Variants in PPFIBP2 observed in about 807,000 individuals in gnomAD.
PPFIBP2 encodes PPFIB scaffold protein 2.
PPFIBP2 carries 118 observed loss-of-function variants against 118.3 expected under a neutral mutation model. That is an observed-to-expected ratio of 1.00 (90% confidence interval 0.86 to 1.16). PPFIBP2 has a LOEUF of 1.16. Among genes scored for constraint, PPFIBP2 ranks in the 50% most tolerant of loss-of-function variants. PPFIBP2 has a pLI of 0.00. For synonymous variants in PPFIBP2, 414 were observed against 397.4 expected (o/e 1.04, Z -0.50); for missense variants, 1,195 against 1,073.1 (o/e 1.11, Z -1.59).
intron 5 of PPFIBP2, among the ~76,000 whole-genome samples, chr11:7,608,494 G>T (rs1463688622): frequency 1.3e-5 from 2 of 152,092 alleles, no homozygotes; most frequent in Admixed American, 6.6e-5. Flanking sequence ...TACAAAATCC[G>T]CTGGGCGTGG....
At chr11:7,604,180 A>G (rs770625893) in intron 5 of PPFIBP2, among the ~76,000 whole-genome samples, 1 of 152,248 alleles carries the variant, frequency 6.6e-6, no homozygotes, top group African/African-American at 2.4e-5. Flanking sequence ...GAATAAAGGC[A>G]GCCAGCAAAG....
At chr11:7,585,876 A>AC (rs1858069744) in intron 3 of PPFIBP2, among the ~76,000 whole-genome samples, 1 of 152,176 alleles carries the variant, frequency 6.6e-6, no homozygotes, top group Non-Finnish European at 1.5e-5. Context: ...AGAAATAAAA[A>AC]CCCAAGTGTT....
Position 7,524,099 on chromosome 11 carries a change from A to G in PPFIBP2, c.-37+9978A>G, listed in dbSNP as rs189669977. ...GCCAAAAGGAACTACTTGGTTGACA[A>G]CTCTGTGTGTGTGTCTGTGTGTGTC... is the stretch of plus-strand genomic sequence containing the variant. On this transcript the variant is annotated intron_variant, in intron 1 of 23. Coordinates refer to ENST00000299492, the MANE Select transcript of PPFIBP2 (RefSeq NM_003621.5). Among the ~76,000 whole-genome samples the G allele has an allele frequency of 3.9e-4, 59 of 151,236 alleles. No homozygotes were observed. In the East Asian group the frequency reaches 9.9e-3, roughly 25 times the overall value.
chr11:7,602,453 G>A (rs1463432594), intron 5 of PPFIBP2, among the ~76,000 whole-genome samples: 1 of 152,152 alleles, frequency 6.6e-6, no homozygotes, highest in African/African-American at 2.4e-5. Flanking sequence ...TGAGCTCACT[G>A]GGGTCTAGTA....
At chr11:7,648,724 C>A in intron 18 of PPFIBP2, 76 bp from the exon 19 acceptor site, 2 of 1,478,038 alleles carry the variant, frequency 1.4e-6, no homozygotes, top group South Asian at 1.1e-5. Context: ...AGAGCATCTC[C>A]ACCCAGACAC....
intron 2 of PPFIBP2, among the ~76,000 whole-genome samples, chr11:7,558,216 G>A (rs1217303853): frequency 1.3e-5 from 2 of 152,194 alleles, no homozygotes; most frequent in Non-Finnish European, 2.9e-5. Flanking sequence ...GACTGATTGA[G>A]TCTCCACTAT....
At chr11:7,609,121 G>A (rs1350472866) in intron 5 of PPFIBP2, among the ~76,000 whole-genome samples, 11 of 152,172 alleles carry the variant, frequency 7.2e-5, no homozygotes, top group Non-Finnish European at 1.6e-4. Flanking sequence ...GTTGGCCTGG[G>A]GAATCATGTA....
chr11:7,630,248 C>T (rs1487889960), intron 10 of PPFIBP2, among the ~76,000 whole-genome samples: 1 of 152,220 alleles, frequency 6.6e-6, no homozygotes, highest in Non-Finnish European at 1.5e-5. Flanking sequence ...AGAAGCCAAG[C>T]CTCTGCCAGG....
intron 2 of PPFIBP2, among the ~76,000 whole-genome samples, chr11:7,563,997 C>G (rs905716807): frequency 7.9e-5 from 12 of 152,184 alleles, no homozygotes; most frequent in Admixed American, 6.5e-4. Context: ...AACCCCATCT[C>G]TACTAAAAAA....
intron 1 of PPFIBP2, among the ~76,000 whole-genome samples, chr11:7,529,582 G>C (rs1038558238): frequency 6.6e-6 from 1 of 152,156 alleles, no homozygotes; most frequent in Non-Finnish European, 1.5e-5. Flanking sequence ...AGGGACTGCT[G>C]CACCGAGGAC....
intron 2 of PPFIBP2, among the ~76,000 whole-genome samples, chr11:7,555,915 AT>A (rs1466226503): frequency 1.3e-5 from 2 of 151,868 alleles, no homozygotes; most frequent in Non-Finnish European, 2.9e-5. Flanking sequence ...TTGTTTGAAG[AT>A]TTTTTTCTTT....
intron 14 of PPFIBP2, among the ~76,000 whole-genome samples, chr11:7,635,982 C>T (rs1851400599): frequency 1.3e-5 from 2 of 152,166 alleles, no homozygotes; most frequent in Admixed American, 6.5e-5. Flanking sequence ...CACTCAGTCC[C>T]GCTTTGATGA....
Position 7,653,198 on chromosome 11 carries a change from C to T in PPFIBP2, c.2611C>T (p.Gln871Ter). 1 of 1,614,180 alleles carries T rather than the reference C, an allele frequency of 6.2e-7. No individual in the cohort carries two copies. Among genetic ancestry groups the T allele is most frequent in the Non-Finnish European group, 8.5e-7 (1 of 1,180,032 alleles). Residue 871 changes from glutamine to a stop codon, truncating the protein, a stop_gained, in exon 24 of 24, where the codon CAG becomes TAG. Coordinates refer to ENST00000299492, the MANE Select transcript of PPFIBP2 (RefSeq NM_003621.5). LOFTEE classifies it high-confidence loss of function. ...TGCCCCTGAACTGGATGGGCTGGAC[C>T]AGGTGGGACAGATTAGCTGATGCCC... ...LDAPELDGLD[Q>*]VGQIS
In PPFIBP2 at chr11:7,610,348, T is replaced by G; in HGVS notation, c.544T>G (p.Ser182Ala). ...GAAGCTCGATCTGATGACTGAAGTG[T>G]CTGAGCTGAAGCTCAAGCTGGTTGG... ...TQKLDLMTEV[S>A]ELKLKLVGME... The change falls in exon 6 of 24, where the codon TCT becomes GCT. Residue 182 changes from serine to alanine, a missense_variant. Transcript: ENST00000299492. The G allele has an allele frequency of 6.2e-7, 1 of 1,614,158 alleles. No homozygotes were observed. The highest frequency in any genetic ancestry group is 8.5e-7 in the Non-Finnish European group (1 of 1,179,994).
chr11:7,654,638 C>A (rs949366936), downstream of PPFIBP2, among the ~76,000 whole-genome samples: 2 of 152,248 alleles, frequency 1.3e-5, no homozygotes, highest in Non-Finnish European at 2.9e-5. Flanking sequence ...TCCTGGTACC[C>A]AGGTCCACTG....
At chr11:7,515,611 GC>G (rs771376449) in intron 1 of PPFIBP2, among the ~76,000 whole-genome samples, 2 of 152,212 alleles carry the variant, frequency 1.3e-5, no homozygotes. Context: ...GTGTGGGCAG[GC>G]AGGCATGGAC....
intron 3 of PPFIBP2, among the ~76,000 whole-genome samples, chr11:7,582,814 G>T (rs1590363615): frequency 1.3e-5 from 2 of 151,690 alleles, no homozygotes; most frequent in South Asian, 4.2e-4. Flanking sequence ...TGTTTCATGG[G>T]CCAGGAGTCC....
In PPFIBP2 at chr11:7,565,648, A is replaced by G. The variant is rs1854885237; in HGVS notation, c.160A>G (p.Ile54Val). The G allele has an allele frequency of 6.2e-7, 1 of 1,613,224 alleles. No homozygotes were observed. Among genetic ancestry groups the G allele is most frequent in the Non-Finnish European group, 8.5e-7 (1 of 1,179,232 alleles). ...GAACCCCTTCCCGGTGCTCCATCTC[A>G]TCGAGGACTTGAGGCTGGCCTTGGA... ...YMNPFPVLHL[I>V]EDLRLALEML... The change falls in exon 3 of 24, where the codon ATC becomes GTC. Residue 54 changes from isoleucine to valine, a missense_variant. By Grantham distance (29) the Ile-to-Val change is conservative. Transcript: ENST00000299492.
intron 15 of PPFIBP2, chr11:7,640,986 C>A (rs1222888022): frequency 1.6e-5 from 20 of 1,232,942 alleles, no homozygotes; most frequent in Non-Finnish European, 2.1e-5. Flanking sequence ...GGACTTTGGC[C>A]TCTCTTGTTT....
Sources: allele counts gnomAD v4.1 joint callset (sites outside exome capture counted in the v4.1 genomes callset), GRCh38; gene constraint gnomAD v4.1.1; transcripts MANE v1.5; gene names NCBI Gene and HGNC (gene_info 2026-07-23, HGNC 2026-07-21).